Variants in RYR2 observed in about 807,000 individuals in gnomAD.
RYR2 encodes cardiac muscle ryanodine receptor-calcium release channel.
Under a neutral mutation model 601.1 loss-of-function variants are expected in RYR2, and 227 were observed. The ratio of observed to expected loss-of-function variants is 0.38; its 90% CI spans 0.34 to 0.42. The LOEUF is 0.42. Among genes scored for constraint, RYR2 ranks in the 10% least tolerant of loss-of-function variants. The pLI, the probability that RYR2 is intolerant of heterozygous loss-of-function variation, is 1.00. For synonymous variants in RYR2, 2,223 were observed against 2,175.1 expected, an observed-to-expected ratio of 1.02 and a Z score of -0.61; for missense variants, 4,646 against 6,156.5, an observed-to-expected ratio of 0.75 and a Z score of 8.21.
chr1:237,504,257 G>A (rs568745527), intron 22 of RYR2, among the ~76,000 whole-genome samples: 22 of 152,322 alleles, frequency 1.4e-4, no homozygotes, highest in African/African-American at 3.6e-4. Context: ...GGCTGAGTCC[G>A]AAAAGAGAGT....
At chr1:237,778,386 C>A (rs1183383219) in intron 87 of RYR2, among the ~76,000 whole-genome samples, 17 of 51,814 alleles carry the variant, frequency 3.3e-4, no homozygotes, top group East Asian at 1.7e-3. Flanking sequence ...TAGAGGAGAT[C>A]AAAGCCAGAC....
intron 80 of RYR2, among the ~76,000 whole-genome samples, chr1:237,753,342 T>A (rs1313151259): frequency 6.6e-6 from 1 of 152,236 alleles, no homozygotes; most frequent in African/African-American, 2.4e-5. Flanking sequence ...ATATAGTTGT[T>A]TCTCTTCAAG....
At chr1:237,107,655 T>C (rs1457326417) in intron 1 of RYR2, among the ~76,000 whole-genome samples, 1 of 152,112 alleles carries the variant, frequency 6.6e-6, no homozygotes, top group East Asian at 1.9e-4. Flanking sequence ...TCAGAGTTGG[T>C]GACTTCCATC....
chr1:237,729,301 A>G (rs1380469314), intron 76 of RYR2, among the ~76,000 whole-genome samples: 1 of 152,228 alleles, frequency 6.6e-6, no homozygotes, highest in Non-Finnish European at 1.5e-5. Context: ...TTAGAATTTC[A>G]GTGAGAGCCC....
chr1:237,785,035 C>CATTT, intron 90 of RYR2, 63 bp downstream of exon 90: 1 of 1,179,348 alleles, frequency 8.5e-7, no homozygotes, highest in Non-Finnish European at 1.2e-6. Flanking sequence ...AATAAATGAT[C>CATTT]ATTAGACCAG....
intron 85 of RYR2, among the ~76,000 whole-genome samples, chr1:237,771,610 A>G (rs981368980): frequency 2.0e-5 from 3 of 152,130 alleles, no homozygotes; most frequent in Non-Finnish European, 2.9e-5. Context: ...TGAAGGCAGG[A>G]ACTCCATCTT....
intron 17 of RYR2, among the ~76,000 whole-genome samples, chr1:237,478,344 C>A (rs1661636324): frequency 6.6e-6 from 1 of 152,162 alleles, no homozygotes; most frequent in Non-Finnish European, 1.5e-5. Context: ...CTGTGCTTCC[C>A]GTTTTTTAAC....
intron 48 of RYR2, among the ~76,000 whole-genome samples, chr1:237,645,997 C>A (rs1487843668): frequency 6.6e-6 from 1 of 151,598 alleles, no homozygotes; most frequent in East Asian, 2.0e-4. Context: ...CTGCTTCAGC[C>A]TCCCGAGTAG....
chr1:237,467,034 C>T (rs1324093630), intron 16 of RYR2, among the ~76,000 whole-genome samples: 5 of 150,788 alleles, frequency 3.3e-5, no homozygotes. Context: ...TTAAATGCCC[C>T]ATGGCTTATT....
chr1:237,494,767 T>C lies in RYR2; in HGVS notation c.1961+1680T>C, dbSNP rs868728798. ...AACTTCCTCCTGTTTTAAACAGAAATGTGGGGTTTGTTGTGTATTTCTATG... is the reference window on the plus strand; with the variant it reads ...AACTTCCTCCTGTTTTAAACAGAAACGTGGGGTTTGTTGTGTATTTCTATG... On this transcript the variant is annotated intron_variant, in intron 19 of 104. Coordinates refer to ENST00000366574, the MANE Select transcript of RYR2 (RefSeq NM_001035.3). Among the ~76,000 whole-genome samples, 13 of 152,146 alleles carry C rather than the reference T, an allele frequency of 8.5e-5. 1 individual carries two copies. Among genetic ancestry groups the C allele is most frequent in the Middle Eastern group, 3.4e-3 (1 of 294 alleles).
At chr1:237,272,632 AT>A (rs781322726) in intron 2 of RYR2, among the ~76,000 whole-genome samples, 6 of 149,422 alleles carry the variant, frequency 4.0e-5, no homozygotes, top group Non-Finnish European at 7.4e-5. Flanking sequence ...ATGTGTATAT[AT>A]TGTTTTATAT....
intron 1 of RYR2, among the ~76,000 whole-genome samples, chr1:237,157,037 T>TATTAC (rs1281303035): frequency 2.0e-5 from 3 of 152,068 alleles, no homozygotes; most frequent in Admixed American, 2.0e-4. Context: ...GGCTCACGCC[T>TATTAC]GTAATCCCAG....
intron 1 of RYR2, among the ~76,000 whole-genome samples, chr1:237,194,406 T>A (rs1464948297): frequency 6.6e-6 from 1 of 152,168 alleles, no homozygotes; most frequent in African/African-American, 2.4e-5. Flanking sequence ...AAGGAGCTCA[T>A]AGTGCAGCCT....
chr1:237,359,425 G>T (rs1275550827), intron 4 of RYR2, among the ~76,000 whole-genome samples: 1 of 152,058 alleles, frequency 6.6e-6, no homozygotes, highest in Non-Finnish European at 1.5e-5. Flanking sequence ...TCGGAGACTG[G>T]TCATTGTTTT....
At chr1:237,737,685 A>G (rs1161245910) in intron 79 of RYR2, among the ~76,000 whole-genome samples, 2 of 152,174 alleles carry the variant, frequency 1.3e-5, no homozygotes, top group Non-Finnish European at 1.5e-5. Flanking sequence ...GTTAACCACA[A>G]ACTTAAGTGT....
At chr1:237,625,384 C>T (rs1679538185) in intron 39 of RYR2, among the ~76,000 whole-genome samples, 1 of 152,082 alleles carries the variant, frequency 6.6e-6, no homozygotes, top group African/African-American at 2.4e-5. Flanking sequence ...TTGATCTTTG[C>T]CCCTAAGAGA....
intron 80 of RYR2, among the ~76,000 whole-genome samples, chr1:237,754,771 A>C (rs1215540301): frequency 1.3e-5 from 2 of 152,212 alleles, no homozygotes; most frequent in African/African-American, 2.4e-5. Context: ...GAGCAGACGA[A>C]AGGGTCCTCT....
intron 3 of RYR2, among the ~76,000 whole-genome samples, chr1:237,334,218 A>T (rs1697028952): frequency 1.3e-5 from 2 of 151,994 alleles, no homozygotes; most frequent in Admixed American, 1.3e-4. Context: ...TTAGCAGAAA[A>T]CTCCCAATGT....
At chr1:237,629,233 A>G (rs182658967) in intron 41 of RYR2, among the ~76,000 whole-genome samples, 3 of 152,280 alleles carry the variant, frequency 2.0e-5, no homozygotes, top group East Asian at 1.9e-4. Flanking sequence ...AAAATTGCCT[A>G]TTGAGTAGTG....
Sources: allele counts gnomAD v4.1 joint callset (sites outside exome capture counted in the v4.1 genomes callset), GRCh38; gene constraint gnomAD v4.1.1; transcripts MANE v1.5; gene names NCBI Gene and HGNC (gene_info 2026-07-23, HGNC 2026-07-21).